The following FOCAD variants were observed in gnomAD, a reference collection of about 807,000 sequenced individuals.
FOCAD encodes the protein KIAA1797.
FOCAD carries 198 observed loss-of-function variants against 225.6 expected under a neutral mutation model. That is an observed-to-expected ratio of 0.88 (90% CI 0.78 to 0.99). The LOEUF is 0.99. FOCAD is among the 50% of genes least tolerant of loss of function. The probability of loss-of-function intolerance (pLI) is 0.00; values close to 1 mark genes in which losing one functional copy is unlikely to be tolerated. For missense variants in FOCAD, 2,713 were observed against 2,123.6 expected (o/e 1.28, Z -5.46); for synonymous variants, 897 against 755.0 (o/e 1.19, Z -3.08).
chr9:20,934,682 C>G (rs1009118948), intron 28 of FOCAD, among the ~76,000 whole-genome samples: 4 of 152,072 alleles, frequency 2.6e-5, no homozygotes, highest in African/African-American at 9.7e-5. Context: ...GTGATGCCTC[C>G]AGATTTGTTC....
intron 8 of FOCAD, among the ~76,000 whole-genome samples, chr9:20,777,641 A>G (rs923479381): frequency 2.0e-5 from 3 of 152,084 alleles, no homozygotes; most frequent in African/African-American, 7.2e-5. Context: ...TGGCACTAAT[A>G]TTTCTTTTAT....
chr9:20,847,002 C>T (rs1031679866), intron 15 of FOCAD, among the ~76,000 whole-genome samples: 11 of 152,140 alleles, frequency 7.2e-5, no homozygotes, highest in African/African-American at 2.7e-4. Flanking sequence ...CTAGATTTCT[C>T]TGATTCCAAA....
intron 6 of FOCAD, among the ~76,000 whole-genome samples, chr9:20,762,036 C>T (rs1829651215): frequency 6.6e-6 from 1 of 152,154 alleles, no homozygotes; most frequent in African/African-American, 2.4e-5. Context: ...ACGTTTGCTC[C>T]TGATGTCAAA....
chr9:20,706,390 G>A (rs571435697), intron 1 of FOCAD, among the ~76,000 whole-genome samples: 278 of 152,288 alleles, frequency 1.8e-3, no homozygotes, highest in African/African-American at 6.3e-3. Context: ...GTAAAGGCAG[G>A]AATTTGATAG....
chr9:20,675,556 A>G (rs970512029), intron 2 of FOCAD, among the ~76,000 whole-genome samples: 38 of 152,350 alleles, frequency 2.5e-4, no homozygotes, highest in Middle Eastern at 3.4e-3. Flanking sequence ...AAAATTTACA[A>G]TGGAAAACGT....
At chr9:20,858,249 A>G (rs1481905533) in intron 15 of FOCAD, among the ~76,000 whole-genome samples, 9 of 152,140 alleles carry the variant, frequency 5.9e-5, no homozygotes, top group Non-Finnish European at 8.8e-5. Flanking sequence ...AAACTTTGTT[A>G]TGGCTGCAAT....
At chr9:20,906,077 A>G (rs982551760) in intron 21 of FOCAD, among the ~76,000 whole-genome samples, 3 of 151,972 alleles carry the variant, frequency 2.0e-5, no homozygotes, top group Non-Finnish European at 2.9e-5. Context: ...GTCTCTGCAG[A>G]CACAGACTGA....
intron 10 of FOCAD, 26 bp from the exon 11 acceptor site, chr9:20,789,325 A>G (rs1181545321): frequency 1.3e-6 from 2 of 1,598,706 alleles, no homozygotes; most frequent in African/African-American, 1.3e-5. Flanking sequence ...TCACTTATTT[A>G]TGCCTCTCTT....
intron 21 of FOCAD, among the ~76,000 whole-genome samples, chr9:20,894,056 G>A (rs934532752): frequency 4.0e-5 from 6 of 151,822 alleles, no homozygotes; most frequent in African/African-American, 1.5e-4. Flanking sequence ...CTCTAACTCC[G>A]TGTGACCACT....
At chr9:20,974,673 T>A (rs145905989) in intron 35 of FOCAD, among the ~76,000 whole-genome samples, 32 of 141,004 alleles carry the variant, frequency 2.3e-4, no homozygotes, top group African/African-American at 8.8e-4. Context: ...ACTTCCCCCT[T>A]CTTTCAGCAT....
chr9:20,799,222 T>C (rs1821498613), intron 11 of FOCAD, among the ~76,000 whole-genome samples: 2 of 152,236 alleles, frequency 1.3e-5, no homozygotes, highest in Admixed American at 6.5e-5. Context: ...CAGTTTGTTA[T>C]AATTTGTGTT....
At chr9:20,809,070 A>T (rs980096580) in intron 11 of FOCAD, among the ~76,000 whole-genome samples, 1 of 152,166 alleles carries the variant, frequency 6.6e-6, no homozygotes, top group Non-Finnish European at 1.5e-5. Context: ...ACTTATCAAG[A>T]TGTTATGGCC....
In FOCAD at chr9:20,717,868, G is replaced by A; in HGVS notation, c.132G>A (p.Gln44=). ...AAAAGATTCACCAATCTACAAATCA[G>A]GTCTGTGTTTAACTTTATGCTTTAA... is the stretch of plus-strand genomic sequence containing the variant. ...FSEKIHQSTN[Q]TPALNLLWEK... The change falls in exon 3 of 44, where the codon CAG becomes CAA. Residue 44 remains glutamine (Q), a splice_region_variant and synonymous_variant. Transcript: ENST00000338382. The A allele has an allele frequency of 6.2e-7, 1 of 1,611,070 alleles. No homozygotes were observed. Among genetic ancestry groups the A allele is most frequent in the East Asian group, 2.2e-5 (1 of 44,740 alleles).
intron 11 of FOCAD, among the ~76,000 whole-genome samples, chr9:20,810,906 C>A (rs1025882475): frequency 6.6e-6 from 1 of 151,900 alleles, no homozygotes; most frequent in Non-Finnish European, 1.5e-5. Flanking sequence ...TATTGCTGAC[C>A]TTATTTTCTA....
chr9:20,690,611 TG>T (rs1209595491), intron 1 of FOCAD, among the ~76,000 whole-genome samples: 3 of 152,144 alleles, frequency 2.0e-5, no homozygotes, highest in African/African-American at 7.2e-5. Context: ...TGCAGTGGTG[TG>T]ATCATAGCTC....
At chr9:20,884,885 C>A (rs1459591019) in intron 20 of FOCAD, among the ~76,000 whole-genome samples, 1 of 151,680 alleles carries the variant, frequency 6.6e-6, no homozygotes, top group African/African-American at 2.4e-5. Context: ...TATGGTGAAA[C>A]CCTGTCTCCA....
At chr9:20,760,149 T>C (rs1250871900) in intron 6 of FOCAD, among the ~76,000 whole-genome samples, 1 of 152,212 alleles carries the variant, frequency 6.6e-6, no homozygotes, top group Non-Finnish European at 1.5e-5. Flanking sequence ...GAAGGATATA[T>C]CAAGAGAGCA....
chr9:20,750,670 G>T lies in FOCAD; in HGVS notation c.393-7420G>T, dbSNP rs552734505. Reference sequence around the variant, plus strand: ...AAGCAGAATCTATTGGCTATCTCAGGAGTTAGGAAATTCAGATTAAAAAAT... The same window carrying T: ...AAGCAGAATCTATTGGCTATCTCAGTAGTTAGGAAATTCAGATTAAAAAAT... On this transcript the variant is annotated intron_variant, in intron 5 of 43. Coordinates refer to ENST00000338382, the MANE Select transcript of FOCAD (RefSeq NM_001375567.1). Among the ~76,000 whole-genome samples the T allele has an allele frequency of 5.3e-4, 80 of 152,222 alleles. 1 individual carries two copies. The highest frequency in any genetic ancestry group is 9.8e-4 in the Admixed American group (15 of 15,262).
chr9:20,918,426 T>A (rs905256447), intron 24 of FOCAD, among the ~76,000 whole-genome samples: 1 of 152,152 alleles, frequency 6.6e-6, no homozygotes, highest in Admixed American at 6.5e-5. Flanking sequence ...TACCTTCTCA[T>A]CAAAACTTAC....
Sources: gnomAD v4.1 joint callset for allele counts (sites outside exome capture counted in the v4.1 genomes callset) on GRCh38, gnomAD v4.1.1 for gene constraint, MANE v1.5 for transcripts, NCBI Gene and HGNC (gene_info 2026-07-23, HGNC 2026-07-21) for gene names.